Variants in CPVL observed in about 807,000 individuals in gnomAD.
CPVL encodes the protein probable serine carboxypeptidase CPVL.
CPVL carries 51 observed loss-of-function variants against 63.7 expected under a neutral mutation model. That is an observed-to-expected ratio of 0.80 (90% CI 0.64 to 1.01). The LOEUF (loss-of-function observed/expected upper bound fraction) is 1.01. CPVL is among the 50% of genes least tolerant of loss of function. The pLI is 0.00. For missense variants in CPVL, 530 were observed against 573.1 expected (o/e 0.92, Z 0.77); for synonymous variants, 195 against 206.0 (o/e 0.95, Z 0.46).
intron 11 of CPVL, among the ~76,000 whole-genome samples, chr7:29,046,423 A>G (rs1789619680): frequency 6.6e-6 from 1 of 152,218 alleles, no homozygotes; most frequent in Non-Finnish European, 1.5e-5. Context: ...CCCTACCCAA[A>G]GGCAACTTAA....
chr7:29,031,581 T>C (rs1788026096), intron 11 of CPVL, among the ~76,000 whole-genome samples: 1 of 152,204 alleles, frequency 6.6e-6, no homozygotes, highest in Non-Finnish European at 1.5e-5. Context: ...AGTAGCCAAT[T>C]TTCTGCCCCC....
chr7:29,066,105 A>G lies in CPVL; in HGVS notation c.881T>C (p.Leu294Pro), dbSNP rs1421152790. ...AGGATCACTTGTTAAGTCGCCATCT[A>G]GTAGTTTATCCAGTATCTAGGTTGG... ...FEAFEILDKL[L>P]DGDLTSDPSY... The change falls in exon 10 of 13, where the codon CTA (leucine) becomes CCA (proline). Residue 294 changes from leucine to proline, a missense_variant. Leu to Pro is a moderately conservative substitution (Grantham distance 98, BLOSUM62 -3). Transcript: ENST00000265394. 2.5e-6 allele frequency: 4 copies of G among 1,592,184 alleles called. No homozygotes were observed. Among genetic ancestry groups the G allele is most frequent in the Admixed American group, 1.7e-5 (1 of 59,296 alleles).
rs140658576 is a variant in CPVL at position 29,072,347 on chromosome 7, T to C, written c.686A>G (p.Asn229Ser). The C allele has an allele frequency of 1.2e-6, 2 of 1,614,112 alleles. No homozygotes were observed. Among genetic ancestry groups the C allele is most frequent in the African/African-American group, 1.3e-5 (1 of 75,024 alleles). The change falls in exon 8 of 13, where the codon AAC (asparagine) becomes AGC (serine). Residue 229 changes from asparagine (N) to serine (S), a missense_variant. Physicochemically the swap from Asn to Ser is conservative, Grantham distance 46. Transcript: ENST00000265394. ...SLNPVREVKI[N>S]LNGIAIGDGY... ...ATCTCCAATAGCAATTCCGTTCAGG[T>C]TGATCTTCACCTCTCTCACAGGGTT...
At chr7:29,004,440 G>T (rs562625640) in intron 12 of CPVL, among the ~76,000 whole-genome samples, 106 of 152,252 alleles carry the variant, frequency 7.0e-4, no homozygotes, top group Non-Finnish European at 1.2e-3. Context: ...AATTTTCTCT[G>T]TATTAACTCC....
chr7:29,112,895 A>C, intron 2 of CPVL, 73 bp from the exon 3 acceptor site: 6 of 1,017,546 alleles, frequency 5.9e-6, no homozygotes, highest in African/African-American at 1.6e-5. Flanking sequence ...CATCTATCTC[A>C]GTCTGGATGA....
At chr7:29,142,433 C>T (rs546818463) in intron 1 of CPVL, among the ~76,000 whole-genome samples, 1 of 152,028 alleles carries the variant, frequency 6.6e-6, no homozygotes, top group South Asian at 2.1e-4. Context: ...GCTGTCACCT[C>T]CAAAAGGATA....
At position 29,003,382 on chromosome 7, in the gene CPVL, T is replaced by C. The variant is rs929652247; in HGVS notation, c.1321-7500A>G. The stretch of plus-strand genomic sequence containing the variant: ...AATATCTGCCAACCTAGAACTTGTA[T>C]AGAAATGAAGACCTTGTAAAGATAT... On this transcript the variant is annotated intron_variant, in intron 12 of 12. Coordinates refer to ENST00000265394, the MANE Select transcript of CPVL (RefSeq NM_031311.5). Among the ~76,000 whole-genome samples the C allele has an allele frequency of 2.0e-5, 3 of 152,316 alleles. No individual in the cohort carries two copies. The East Asian group carries it at 5.8e-4, about 29-fold the overall frequency.
At chr7:29,132,277 C>T (rs1358385964) in intron 1 of CPVL, among the ~76,000 whole-genome samples, 2 of 152,028 alleles carry the variant, frequency 1.3e-5, no homozygotes, top group South Asian at 2.1e-4. Flanking sequence ...GAGCGATGGT[C>T]GGAGTGGTTC....
intron 12 of CPVL, among the ~76,000 whole-genome samples, chr7:29,017,698 T>C (rs1290472627): frequency 2.0e-5 from 3 of 152,190 alleles, no homozygotes; most frequent in African/African-American, 7.2e-5. Context: ...GTGGTCACCT[T>C]GGGTGTGGAT....
intron 10 of CPVL, among the ~76,000 whole-genome samples, chr7:29,064,937 ACCG>A (rs796640683): frequency 0.018 from 771 of 42,152 alleles, 2 homozygotes; most frequent in Admixed American, 0.031. Flanking sequence ...AATAAAAAAA[ACCG>A]CACACACACA....
intron 2 of CPVL, among the ~76,000 whole-genome samples, chr7:29,118,943 T>C (rs568582119): frequency 5.9e-5 from 9 of 152,276 alleles, no homozygotes; most frequent in African/African-American, 1.9e-4. Flanking sequence ...TCTCCAACAA[T>C]GGTTCCCCAA....
chr7:29,158,980 T>C (rs1481032054), intron 5 of CPVL, among the ~76,000 whole-genome samples: 3 of 152,210 alleles, frequency 2.0e-5, no homozygotes, highest in Non-Finnish European at 2.9e-5. Flanking sequence ...CGAAATATCC[T>C]ATGTAGTTAT....
intron 12 of CPVL, among the ~76,000 whole-genome samples, chr7:29,013,633 C>T (rs1786083506): frequency 6.6e-6 from 1 of 152,214 alleles, no homozygotes; most frequent in Non-Finnish European, 1.5e-5. Context: ...GCTCCCAACT[C>T]CCTGCCCCCA....
chr7:29,090,245 C>T (rs545030130), intron 6 of CPVL, among the ~76,000 whole-genome samples: 4 of 126,564 alleles, frequency 3.2e-5, no homozygotes, highest in South Asian at 5.5e-4. Context: ...TGCACTGGAC[C>T]GATACAAGCT....
intron 5 of CPVL, among the ~76,000 whole-genome samples, chr7:29,175,278 G>T (rs1797153594): frequency 6.6e-6 from 1 of 151,688 alleles, no homozygotes; most frequent in Non-Finnish European, 1.5e-5. Flanking sequence ...GGGTTCAAGT[G>T]ATTCTCCTGC....
chr7:29,113,407 T>G (rs1788449298), intron 2 of CPVL, among the ~76,000 whole-genome samples: 1 of 151,364 alleles, frequency 6.6e-6, no homozygotes, highest in Admixed American at 6.6e-5. Flanking sequence ...AGACTGGGAG[T>G]GACCTCATGG....
At chr7:29,098,881 G>A (rs2391721) in intron 3 of CPVL, among the ~76,000 whole-genome samples, 2,694 of 152,182 alleles carry the variant, frequency 0.018, 120 homozygotes, top group East Asian at 0.11. Flanking sequence ...TGACCAACAT[G>A]GAGAAACCCC....
At chr7:29,046,419 C>G (rs1488868223) in intron 11 of CPVL, among the ~76,000 whole-genome samples, 1 of 152,072 alleles carries the variant, frequency 6.6e-6, no homozygotes, top group Non-Finnish European at 1.5e-5. Context: ...TAAGCCCTAC[C>G]CAAAGGCAAC....
chr7:29,003,788 C>T lies in CPVL; in HGVS notation c.1321-7906G>A, dbSNP rs62444230. Among the ~76,000 whole-genome samples, 764 of 152,282 alleles carry T rather than the reference C, an allele frequency of 5.0e-3. 1 individual carries two copies. Among genetic ancestry groups the T allele is most frequent in the Middle Eastern group, 0.014 (4 of 294 alleles). ...ATGGTTTGGGGATGACACTGTTCCA[C>T]TTCAGATCATCAGGCATTAGATTCT... On this transcript the variant is annotated intron_variant, in intron 12 of 12. Coordinates refer to ENST00000265394, the MANE Select transcript of CPVL (RefSeq NM_031311.5).
Sources: allele counts gnomAD v4.1 joint callset (sites outside exome capture counted in the v4.1 genomes callset), GRCh38; gene constraint gnomAD v4.1.1; transcripts MANE v1.5; gene names NCBI Gene and HGNC (gene_info 2026-07-23, HGNC 2026-07-21).